STXBP5L: variants seen among roughly 807,000 people sequenced by gnomAD.
STXBP5L encodes syntaxin binding protein 5L.
STXBP5L carries 65 observed loss-of-function variants against 144.5 expected under a neutral mutation model. The observed-to-expected ratio is 0.45, with a 90% CI of 0.37 to 0.55. The LOEUF (loss-of-function observed/expected upper bound fraction) is 0.55. STXBP5L is among the 20% of genes least tolerant of loss of function. The probability of loss-of-function intolerance (pLI) is 0.00; values close to 1 mark genes in which losing one functional copy is unlikely to be tolerated. For synonymous variants in STXBP5L, 505 were observed against 469.6 expected (o/e 1.08, Z -0.97); for missense variants, 1,298 against 1,405.5 (o/e 0.92, Z 1.22).
At chr3:121,206,148 G>A in intron 10 of STXBP5L, 147 bp downstream of exon 10, 1 of 438,192 alleles carries the variant, frequency 2.3e-6, no homozygotes, top group South Asian at 5.8e-5. Context: ...TTGTCTCATA[G>A]ACATATCTCT....
Position 121,041,722 on chromosome 3 carries a change from T to G in STXBP5L, c.310T>G (p.Cys104Gly). 6.2e-7 allele frequency: 1 copy of G among 1,612,708 alleles called. No homozygotes were observed. Residue 104 changes from cysteine to glycine, a missense_variant, in exon 4 of 27, where the codon TGC becomes GGC. Cys to Gly is a radical substitution (Grantham distance 159, BLOSUM62 -3). Coordinates refer to ENST00000471454, the MANE Select transcript of STXBP5L (RefSeq NM_001308330.2). ...IRILGRPGVDCYCQHESGAAV... is the reference protein window; with the variant it reads ...IRILGRPGVDGYCQHESGAAV... Reference sequence around the variant, plus strand: ...TAGACTCGGGAGACCTGGTGTTGATTGCTATTGCCAACATGAAAGTGGTGC... The same window carrying G: ...TAGACTCGGGAGACCTGGTGTTGATGGCTATTGCCAACATGAAAGTGGTGC...
At chr3:121,105,020 TCAAA>T (rs1311772801) in intron 5 of STXBP5L, among the ~76,000 whole-genome samples, 5 of 151,516 alleles carry the variant, frequency 3.3e-5, no homozygotes, top group African/African-American at 4.9e-5. Flanking sequence ...TACAATAAAC[TCAAA>T]CAAATCAGCA....
chr3:121,282,409 C>G (rs2051091480), intron 19 of STXBP5L: 1 of 1,432,414 alleles, frequency 7.0e-7, no homozygotes, highest in Non-Finnish European at 9.7e-7. Context: ...TACATCAGTG[C>G]TCAGTAATGT....
At chr3:121,402,489 C>T (rs546676290) in intron 22 of STXBP5L, among the ~76,000 whole-genome samples, 23 of 152,256 alleles carry the variant, frequency 1.5e-4, no homozygotes, top group Admixed American at 6.5e-4. Context: ...ACTTTAATTT[C>T]ACAGTCAAGC....
At chr3:121,161,121 A>G (rs2046309885) in intron 9 of STXBP5L, among the ~76,000 whole-genome samples, 1 of 151,208 alleles carries the variant, frequency 6.6e-6, no homozygotes, top group African/African-American at 2.4e-5. Context: ...GCTATTTATC[A>G]TTTTCATTTG....
chr3:120,955,405 C>T (rs1366622448), intron 3 of STXBP5L, among the ~76,000 whole-genome samples: 1 of 151,966 alleles, frequency 6.6e-6, no homozygotes, highest in Non-Finnish European at 1.5e-5. Flanking sequence ...GCTTTGATCA[C>T]TTAAATTTCT....
At chr3:120,934,354 A>G (rs907251991) in intron 2 of STXBP5L, among the ~76,000 whole-genome samples, 1 of 152,026 alleles carries the variant, frequency 6.6e-6, no homozygotes, top group African/African-American at 2.4e-5. Flanking sequence ...CTATGGTCTT[A>G]GAGCATACTT....
At chr3:121,399,304 G>A (rs1240505706) in intron 22 of STXBP5L, among the ~76,000 whole-genome samples, 3 of 152,142 alleles carry the variant, frequency 2.0e-5, no homozygotes, top group African/African-American at 7.2e-5. Context: ...CTAGTTCCAT[G>A]TTCTCCAACC....
intron 3 of STXBP5L, among the ~76,000 whole-genome samples, chr3:120,975,781 T>C (rs1163987969): frequency 6.6e-6 from 1 of 152,160 alleles, no homozygotes; most frequent in Non-Finnish European, 1.5e-5. Context: ...CAAAGGCCTT[T>C]TCTGCATCTA....
At chr3:121,323,262 T>C (rs1049243939) in intron 20 of STXBP5L, among the ~76,000 whole-genome samples, 3 of 152,164 alleles carry the variant, frequency 2.0e-5, no homozygotes, top group African/African-American at 7.2e-5. Flanking sequence ...AAATTCTTTT[T>C]CAAGGCCAGT....
intron 3 of STXBP5L, among the ~76,000 whole-genome samples, chr3:120,968,724 G>A (rs911170281): frequency 4.6e-5 from 7 of 152,110 alleles, no homozygotes; most frequent in Admixed American, 1.3e-4. Flanking sequence ...CCCCCGTTCT[G>A]AGTATCCAAA....
At chr3:121,105,879 T>A (rs985957632) in intron 5 of STXBP5L, among the ~76,000 whole-genome samples, 1 of 152,182 alleles carries the variant, frequency 6.6e-6, no homozygotes, top group East Asian at 1.9e-4. Context: ...TTTTGTTTTA[T>A]GTGTGTAAAG....
intron 3 of STXBP5L, among the ~76,000 whole-genome samples, chr3:121,012,409 G>T (rs1176383207): frequency 2.6e-5 from 4 of 151,772 alleles, no homozygotes; most frequent in Non-Finnish European, 4.4e-5. Context: ...CAAAAAGGTT[G>T]CATGGTTTCA....
At chr3:120,947,186 TCTTA>T (rs1295648747) in intron 2 of STXBP5L, among the ~76,000 whole-genome samples, 1 of 151,810 alleles carries the variant, frequency 6.6e-6, no homozygotes, top group Non-Finnish European at 1.5e-5. Context: ...GCTACCATTA[TCTTA>T]CTTCACTGAG....
At chr3:121,117,576 T>C (rs1268675669) in intron 6 of STXBP5L, among the ~76,000 whole-genome samples, 1 of 151,784 alleles carries the variant, frequency 6.6e-6, no homozygotes, top group Non-Finnish European at 1.5e-5. Context: ...ATGCATTTAA[T>C]TAAGAAGACT....
chr3:121,180,480 A>T (rs2047097987), intron 9 of STXBP5L, among the ~76,000 whole-genome samples: 1 of 152,060 alleles, frequency 6.6e-6, no homozygotes, highest in Non-Finnish European at 1.5e-5. Flanking sequence ...CAAAATAGAA[A>T]CTCCTTAAAC....
At chr3:121,006,398 T>G (rs1442659915) in intron 3 of STXBP5L, among the ~76,000 whole-genome samples, 1 of 152,136 alleles carries the variant, frequency 6.6e-6, no homozygotes, top group Admixed American at 6.6e-5. Context: ...TGTTTTCCAT[T>G]TGCTTGGTAG....
intron 3 of STXBP5L, among the ~76,000 whole-genome samples, chr3:121,015,382 A>G (rs1945071453): frequency 1.3e-5 from 2 of 152,294 alleles, no homozygotes; most frequent in South Asian, 2.1e-4. Context: ...TCTTGGACCT[A>G]TTAGAGAACT....
At chr3:121,299,070 T>A (rs1265153072) in intron 19 of STXBP5L, among the ~76,000 whole-genome samples, 1 of 152,194 alleles carries the variant, frequency 6.6e-6, no homozygotes, top group East Asian at 1.9e-4. Flanking sequence ...TCCTAGCAGA[T>A]CTTGTAAAAA....
Sources: allele counts gnomAD v4.1 joint callset (sites outside exome capture counted in the v4.1 genomes callset), GRCh38; gene constraint gnomAD v4.1.1; transcripts MANE v1.5; gene names NCBI Gene and HGNC (gene_info 2026-07-23, HGNC 2026-07-21).